ADCY10: variants seen among roughly 807,000 people sequenced by gnomAD.
The protein encoded by ADCY10 is adenylate cyclase type 10.
ADCY10 carries 156 observed loss-of-function variants against 183.3 expected under a neutral mutation model. The observed-to-expected ratio is 0.85, with a 90% CI of 0.75 to 0.97. The LOEUF is 0.97. Among genes scored for constraint, ADCY10 ranks in the 50% least tolerant of loss-of-function variants. The pLI is 0.00. For synonymous variants in ADCY10, 645 were observed against 670.0 expected (o/e 0.96, Z 0.58); for missense variants, 1,745 against 1,934.3 (o/e 0.90, Z 1.84).
At chr1:167,882,025 A>G (rs897329324) in intron 9 of ADCY10, among the ~76,000 whole-genome samples, 2 of 152,216 alleles carry the variant, frequency 1.3e-5, no homozygotes, top group African/African-American at 2.4e-5. Flanking sequence ...TTCGTCTTCT[A>G]TGAAATGCTC....
intron 18 of ADCY10, among the ~76,000 whole-genome samples, chr1:167,849,245 T>C (rs1665294361): frequency 6.6e-6 from 1 of 152,218 alleles, no homozygotes; most frequent in Admixed American, 6.5e-5. Flanking sequence ...GGCACTGTAC[T>C]CTAATTAGGA....
rs1478256512 is a variant in ADCY10, at chr1:167,856,358, G to A, written c.1978C>T (p.Leu660Phe). ...DSTSWRFMEKLIRTLPIFIIM... is the reference protein window; with the variant it reads ...DSTSWRFMEKFIRTLPIFIIM... ...ATGAAGATAGGAAGAGTCCGGATAA[G>A]CTTCTCCATAAATCTCCAGGAGGTC... The change falls in exon 17 of 33, where the codon CTT (leucine) becomes TTT (phenylalanine). Residue 660 changes from leucine to phenylalanine, a missense_variant. Physicochemically the swap from Leu to Phe is conservative, Grantham distance 22 (BLOSUM62 0). Coordinates refer to ENST00000367851, the MANE Select transcript of ADCY10 (RefSeq NM_018417.6). 6.2e-7 allele frequency: 1 copy of A among 1,614,096 alleles called. No homozygotes were observed. Among genetic ancestry groups the A allele is most frequent in the Non-Finnish European group, 8.5e-7 (1 of 1,179,990 alleles).
chr1:167,907,492 T>C (rs981652558), intron 1 of ADCY10, among the ~76,000 whole-genome samples: 1 of 152,184 alleles, frequency 6.6e-6, no homozygotes, highest in African/African-American at 2.4e-5. Context: ...TGTAGTGGAG[T>C]ATACTCATTC....
At chr1:167,836,921 A>G (rs1664250079) in intron 22 of ADCY10, 2 of 361,250 alleles carry the variant, frequency 5.5e-6, no homozygotes, top group South Asian at 5.4e-5. Context: ...GTTATTCAGG[A>G]GGCTGAGGCA....
chr1:167,848,497 G>A lies in ADCY10; in HGVS notation c.2309-8C>T. ...TTAGCTTAATGGAATACTCTACAGGGGTATAAAAGGGAAGAAAAGTTGAGT... is the reference window on the plus strand; with the variant it reads ...TTAGCTTAATGGAATACTCTACAGGAGTATAAAAGGGAAGAAAAGTTGAGT... On this transcript the variant is annotated splice_polypyrimidine_tract_variant and splice_region_variant and intron_variant, in intron 18 of 32. Transcript: ENST00000367851. 6.2e-7 allele frequency: 1 copy of A among 1,613,300 alleles called. No homozygotes were observed. The highest frequency in any genetic ancestry group is 8.5e-7 in the Non-Finnish European group (1 of 1,179,544).
chr1:167,899,442 G>C lies in ADCY10; in HGVS notation c.623C>G (p.Pro208Arg), dbSNP rs1669234938. 6.2e-7 allele frequency: 1 copy of C among 1,614,080 alleles called. No individual in the cohort carries two copies. Among genetic ancestry groups the C allele is most frequent in the African/African-American group, 1.3e-5 (1 of 74,938 alleles). ...DRSMIEIESV[P>R]DQRAVKVNFL... The stretch of plus-strand genomic sequence containing the variant: ...ACCCACCTTAACTGCTCTCTGATCT[G>C]GAACACTCTCAATTTCAATCATGCT... Residue 208 changes from proline (P) to arginine (R), a missense_variant, in exon 6 of 33, where the codon CCA (proline) becomes CGA (arginine). Pro to Arg is a moderately radical substitution (Grantham distance 103, BLOSUM62 -2). Coordinates refer to ENST00000367851, the MANE Select transcript of ADCY10 (RefSeq NM_018417.6).
intron 14 of ADCY10, among the ~76,000 whole-genome samples, chr1:167,868,716 C>T (rs113688752): frequency 2.5e-4 from 38 of 152,334 alleles, no homozygotes; most frequent in African/African-American, 7.9e-4. Flanking sequence ...CCTGTCTATG[C>T]TTTCCGCGAA....
chr1:167,822,292 A>T (rs1431574875), intron 29 of ADCY10, 151 bp from the exon 30 acceptor site: 1 of 722,574 alleles, frequency 1.4e-6, no homozygotes, highest in Non-Finnish European at 2.5e-6. Flanking sequence ...CAACAACCTC[A>T]TGACTGGATT....
chr1:167,904,002 T>C lies in ADCY10; in HGVS notation c.149-11A>G. 6.3e-7 allele frequency: 1 copy of C among 1,597,560 alleles called. No homozygotes were observed. Among genetic ancestry groups the C allele is most frequent in the East Asian group, 2.2e-5 (1 of 44,708 alleles). On this transcript the variant is annotated splice_polypyrimidine_tract_variant and intron_variant, in intron 2 of 32. Transcript: ENST00000367851. Reference sequence around the variant, plus strand: ...TCATTGCAGTAAAACCTGGAATAAATGTGCAGCTGGTTTCCTTGGCTGCTT... The same window carrying C: ...TCATTGCAGTAAAACCTGGAATAAACGTGCAGCTGGTTTCCTTGGCTGCTT...
chr1:167,818,299 G>C, intron 30 of ADCY10, 32 bp from the exon 31 acceptor site: 1 of 1,586,058 alleles, frequency 6.3e-7, no homozygotes, highest in African/African-American at 1.3e-5. Flanking sequence ...AGAAAAATCA[G>C]TATCACCCAT....
intron 28 of ADCY10, among the ~76,000 whole-genome samples, chr1:167,823,451 G>T (rs1456078879): frequency 6.6e-6 from 1 of 150,604 alleles, no homozygotes; most frequent in Non-Finnish European, 1.5e-5. Flanking sequence ...AAAAGCAGTG[G>T]ATATAATGGA....
intron 14 of ADCY10, among the ~76,000 whole-genome samples, chr1:167,867,576 A>C (rs767496140): frequency 6.6e-6 from 1 of 152,214 alleles, no homozygotes; most frequent in Non-Finnish European, 1.5e-5. Context: ...AACCAACCTG[A>C]TGTGTGTTAT....
intron 22 of ADCY10, 80 bp from the exon 23 acceptor site, chr1:167,836,620 T>G: frequency 1.9e-6 from 2 of 1,036,164 alleles, no homozygotes; most frequent in Non-Finnish European, 3.0e-6. Context: ...CCAGACGCGG[T>G]GGCTCACGCC....
chr1:167,817,320 G>A (rs992062285), intron 31 of ADCY10, among the ~76,000 whole-genome samples: 23 of 152,142 alleles, frequency 1.5e-4, no homozygotes, highest in Admixed American at 9.2e-4. Flanking sequence ...AGTCGAGATT[G>A]CGCCACTGCA....
rs549277740 is a variant in ADCY10, at chr1:167,904,181, G to C, written c.149-190C>G. On this transcript the variant is annotated intron_variant, in intron 2 of 32. Coordinates refer to ENST00000367851, the MANE Select transcript of ADCY10 (RefSeq NM_018417.6). The stretch of plus-strand genomic sequence containing the variant: ...CAGCTCACTGCAACCTCCGCCTCCC[G>C]GGTTCAAGCAATTCTCCTGCCTCAG... Among the ~76,000 whole-genome samples the C allele has an allele frequency of 4.0e-5, 6 of 149,372 alleles. No individual in the cohort carries two copies. The East Asian group carries it at 1.2e-3, about 30-fold the overall frequency.
At chr1:167,881,959 C>T (rs1326558450) in intron 9 of ADCY10, among the ~76,000 whole-genome samples, 1 of 152,224 alleles carries the variant, frequency 6.6e-6, no homozygotes, top group Non-Finnish European at 1.5e-5. Flanking sequence ...ATGCATGCTT[C>T]CTGCCTGGTT....
intron 2 of ADCY10, among the ~76,000 whole-genome samples, chr1:167,904,271 A>G (rs988500233): frequency 1.3e-5 from 2 of 151,888 alleles, no homozygotes; most frequent in Non-Finnish European, 2.9e-5. Context: ...TATTTTTAGT[A>G]CAGATGGGGT....
intron 18 of ADCY10, among the ~76,000 whole-genome samples, chr1:167,853,831 T>TC (rs1665681197): frequency 2.5e-5 from 1 of 39,332 alleles, no homozygotes; most frequent in Non-Finnish European, 4.6e-5. Context: ...CTATAGTTAC[T>TC]TTTTTTTTTT....
At position 167,822,303 on chromosome 1, in the gene ADCY10, G is replaced by T. The variant is rs115328045; in HGVS notation, c.4169-162C>A. 7.3e-3 allele frequency among the ~76,000 whole-genome samples: 1,113 copies of T among 152,278 alleles called. 12 individuals are homozygous for T. The highest frequency in any genetic ancestry group is 0.025 in the African/African-American group (1,035 of 41,534). ...ATTGCAACAACCTCATGACTGGATT[G>T]CCCTGTGTTTGCTGAGTCCTACCTA... On this transcript the variant is annotated intron_variant, in intron 29 of 32. Coordinates refer to ENST00000367851, the MANE Select transcript of ADCY10 (RefSeq NM_018417.6).
Sources: gnomAD v4.1 joint callset for allele counts (sites outside exome capture counted in the v4.1 genomes callset) on GRCh38, gnomAD v4.1.1 for gene constraint, MANE v1.5 for transcripts, NCBI Gene and HGNC (gene_info 2026-07-23, HGNC 2026-07-21) for gene names.